Variants in RASAL2 observed in about 807,000 individuals in gnomAD.
RASAL2 encodes the protein ras GTPase-activating protein nGAP.
RASAL2 carries 58 observed loss-of-function variants against 128.9 expected under a neutral mutation model. The ratio of observed to expected loss-of-function variants is 0.45; its 90% CI spans 0.36 to 0.56. The LOEUF (loss-of-function observed/expected upper bound fraction) is 0.56. Among genes scored for constraint, RASAL2 ranks in the 20% least tolerant of loss-of-function variants. The pLI, the probability that RASAL2 is intolerant of heterozygous loss-of-function variation, is 0.00. For missense variants in RASAL2, 1,360 were observed against 1,601.6 expected (o/e 0.85, Z 2.57); for synonymous variants, 561 against 580.8 (o/e 0.97, Z 0.49).
Position 178,461,493 on chromosome 1 carries a change from C to A in RASAL2, c.3253-2785C>A, listed in dbSNP as rs74131368. Among the ~76,000 whole-genome samples the A allele has an allele frequency of 5.8e-3, 879 of 152,046 alleles. 11 individuals carry two copies. Among genetic ancestry groups the A allele is most frequent in the African/African-American group, 0.02 (816 of 41,446 alleles). The stretch of plus-strand genomic sequence containing the variant: ...TCTTAATTTTTTAACCCATTTCAGC[C>A]TCTGTTTGTATTGCTTTTTTCTTAT... On this transcript the variant is annotated intron_variant, in intron 14 of 17. Transcript: ENST00000367649.
At chr1:178,403,602 T>C (rs1673785374) in intron 4 of RASAL2, among the ~76,000 whole-genome samples, 1 of 152,156 alleles carries the variant, frequency 6.6e-6, no homozygotes, top group Non-Finnish European at 1.5e-5. Context: ...AAATAAATGA[T>C]ATAAGGACAA....
chr1:178,129,676 AT>A (rs573647359), intron 1 of RASAL2, among the ~76,000 whole-genome samples: 132 of 146,094 alleles, frequency 9.0e-4, no homozygotes, highest in Middle Eastern at 3.5e-3. Context: ...GGTCATGAAC[AT>A]TTTTTTTTTT....
rs76756503 is a variant in RASAL2 at position 178,451,590 on chromosome 1, G to A, written c.1647G>A (p.Leu549=). The A allele has an allele frequency of 3.4e-3, 5,474 of 1,613,588 alleles. 14 individuals carry two copies. The highest frequency in any genetic ancestry group is 4.2e-3 in the Non-Finnish European group (4,939 of 1,179,690). ...HDALGEFIKA[L]YESDENCEVD... is the part of the protein sequence containing the mutation. Reference sequence around the variant, plus strand: ...AAATAGGGGAGTTTATCAAAGCTTTGTATGAGTCCGATGAGAACTGTGAAG... The same window carrying A: ...AAATAGGGGAGTTTATCAAAGCTTTATATGAGTCCGATGAGAACTGTGAAG... Residue 549 remains leucine, a synonymous_variant, in exon 10 of 18, where the codon TTG becomes TTA. Transcript: ENST00000367649.
intron 1 of RASAL2, among the ~76,000 whole-genome samples, chr1:178,238,604 A>G (rs1026176382): frequency 1.3e-5 from 2 of 151,918 alleles, no homozygotes. Flanking sequence ...GTATGTGTGT[A>G]TATACACACA....
At chr1:178,341,379 C>G (rs1669869013) in intron 3 of RASAL2, 1 of 1,343,412 alleles carries the variant, frequency 7.4e-7, no homozygotes, top group African/African-American at 1.5e-5. Context: ...TGCTCTCTAG[C>G]AAAAGAATGG....
intron 5 of RASAL2, among the ~76,000 whole-genome samples, chr1:178,438,262 A>G (rs555461933): frequency 6.6e-6 from 1 of 152,084 alleles, no homozygotes; most frequent in South Asian, 2.1e-4. Context: ...CTAGTTTCTT[A>G]TATCTTTTTA....
intron 1 of RASAL2, among the ~76,000 whole-genome samples, chr1:178,276,098 A>T (rs1399122567): frequency 6.6e-6 from 1 of 152,216 alleles, no homozygotes; most frequent in African/African-American, 2.4e-5. Context: ...TCAAGGTACG[A>T]GGGTGGCCAT....
chr1:178,390,351 A>G (rs1672827248), intron 4 of RASAL2, 145 bp downstream of exon 4: 7 of 557,120 alleles, frequency 1.3e-5, no homozygotes, highest in South Asian at 5.9e-5. Context: ...AGACTCATCA[A>G]CTTGTGTAAA....
intron 4 of RASAL2, among the ~76,000 whole-genome samples, chr1:178,405,222 C>G (rs1313214146): frequency 1.3e-5 from 2 of 152,176 alleles, no homozygotes; most frequent in African/African-American, 4.8e-5. Flanking sequence ...ACATTTCCAC[C>G]ATTATGAAAA....
At chr1:178,331,604 T>TG (rs1669316981) in intron 3 of RASAL2, among the ~76,000 whole-genome samples, 3 of 148,892 alleles carry the variant, frequency 2.0e-5, no homozygotes, top group African/African-American at 7.5e-5. Flanking sequence ...TTTTTTTTTT[T>TG]GAGACAGATT....
chr1:178,137,883 C>A (rs1660382766), intron 1 of RASAL2, among the ~76,000 whole-genome samples: 1 of 152,088 alleles, frequency 6.6e-6, no homozygotes, highest in Non-Finnish European at 1.5e-5. Context: ...TATAAAGAAT[C>A]TAATGTTGGT....
At chr1:178,449,919 A>G (rs1379773859) in intron 9 of RASAL2, among the ~76,000 whole-genome samples, 1 of 152,146 alleles carries the variant, frequency 6.6e-6, no homozygotes, top group Non-Finnish European at 1.5e-5. Flanking sequence ...CATATAACCT[A>G]AAAGAAGTCA....
chr1:178,180,325 T>G (rs142608111), intron 1 of RASAL2, among the ~76,000 whole-genome samples: 136 of 151,828 alleles, frequency 9.0e-4, no homozygotes, highest in African/African-American at 2.8e-3. Context: ...TTACCATTCT[T>G]GCAAAATTAA....
intron 1 of RASAL2, among the ~76,000 whole-genome samples, chr1:178,180,685 A>ACACACACACACG (rs921590748): frequency 2.0e-5 from 3 of 151,386 alleles, no homozygotes; most frequent in African/African-American, 7.3e-5. Flanking sequence ...ACACACACAC[A>ACACACACACACG]CACACACGAT....
chr1:178,317,578 G>T (rs1490990051), intron 3 of RASAL2, among the ~76,000 whole-genome samples: 3 of 149,516 alleles, frequency 2.0e-5, no homozygotes, highest in Admixed American at 6.6e-5. Flanking sequence ...GTTTATTTGC[G>T]TAGAGGTGTT....
At chr1:178,152,565 T>A (rs1046107565) in intron 1 of RASAL2, among the ~76,000 whole-genome samples, 3 of 152,076 alleles carry the variant, frequency 2.0e-5, no homozygotes, top group African/African-American at 7.2e-5. Flanking sequence ...CTCGGGAGGC[T>A]GAGGCAGGAG....
At chr1:178,269,606 C>T (rs995127689) in intron 1 of RASAL2, among the ~76,000 whole-genome samples, 3 of 152,134 alleles carry the variant, frequency 2.0e-5, no homozygotes, top group East Asian at 1.9e-4. Flanking sequence ...TGGTGACGAG[C>T]GTGACCTCTG....
chr1:178,110,393 T>C (rs981921586), intron 1 of RASAL2, among the ~76,000 whole-genome samples: 1 of 151,696 alleles, frequency 6.6e-6, no homozygotes, highest in Non-Finnish European at 1.5e-5. Flanking sequence ...AGTTTAGGCT[T>C]ATCCTTCCAT....
At chr1:178,369,761 T>C (rs1253583536) in intron 3 of RASAL2, among the ~76,000 whole-genome samples, 3 of 152,196 alleles carry the variant, frequency 2.0e-5, no homozygotes, top group Non-Finnish European at 4.4e-5. Flanking sequence ...TCACTTTCAA[T>C]AATAATCTAG....
Sources: gnomAD v4.1 joint callset for allele counts (sites outside exome capture counted in the v4.1 genomes callset) on GRCh38, gnomAD v4.1.1 for gene constraint, MANE v1.5 for transcripts, NCBI Gene and HGNC (gene_info 2026-07-23, HGNC 2026-07-21) for gene names.